Variants in USB1 observed in about 807,000 individuals in gnomAD.
USB1 encodes the protein U6 snRNA biogenesis phosphodiesterase 1.
In USB1, 21 loss-of-function variants were observed where a neutral mutation model predicts 29.9. The observed-to-expected ratio is 0.70, with a 90% CI of 0.50 to 1.01. The LOEUF is 1.01. Ranked by LOEUF, USB1 falls within the 50% of genes least tolerant of loss-of-function variation. The probability of loss-of-function intolerance (pLI) is 0.00; values close to 1 mark genes in which losing one functional copy is unlikely to be tolerated. For missense variants in USB1, 330 were observed against 347.1 expected (o/e 0.95, Z 0.39); for synonymous variants, 143 against 134.9 (o/e 1.06, Z -0.42).
At position 58,002,482 on chromosome 16, in the gene USB1, C is replaced by A. The variant is rs144716560; in HGVS notation, c.102C>A (p.Gly34=). ...TTTTTCTTTTTTTCTTTTGCAGTGG[C>A]CAGAGCCCCCTTCCCAGGCAGAGAT... ...TRPGDGSHRR[G]QSPLPRQRFP... Residue 34 remains glycine (G), a synonymous_variant, in exon 2 of 7, where the codon GGC becomes GGA. Transcript: ENST00000219281. The A allele has an allele frequency of 6.2e-7, 1 of 1,613,912 alleles. No individual in the cohort carries two copies.
intron 4 of USB1, among the ~76,000 whole-genome samples, chr16:58,014,724 A>G (rs1300383200): frequency 6.6e-6 from 1 of 152,192 alleles, no homozygotes; most frequent in Non-Finnish European, 1.5e-5. Flanking sequence ...TCGAGGCTGC[A>G]GTGAGCCAAG....
intron 6 of USB1, among the ~76,000 whole-genome samples, chr16:58,019,560 C>A (rs1963692582): frequency 6.6e-6 from 1 of 152,136 alleles, no homozygotes. Flanking sequence ...TGGAGGAGAA[C>A]CAGCAAGTTA....
At chr16:58,019,331 G>A (rs1204765885) in intron 6 of USB1, among the ~76,000 whole-genome samples, 2 of 150,622 alleles carry the variant, frequency 1.3e-5, no homozygotes, top group African/African-American at 4.9e-5. Flanking sequence ...CTGGGGATTT[G>A]TGTGCACATT....
intron 2 of USB1, among the ~76,000 whole-genome samples, chr16:58,005,859 T>C (rs1963339033): frequency 6.6e-6 from 1 of 152,192 alleles, no homozygotes; most frequent in Non-Finnish European, 1.5e-5. Flanking sequence ...TTCATTTTGC[T>C]GGGGGTGCTA....
chr16:58,014,055 A>G, intron 3 of USB1: 1 of 558,746 alleles, frequency 1.8e-6, no homozygotes, highest in Non-Finnish European at 3.2e-6. Flanking sequence ...TTTTACTAGC[A>G]CCTGGATGAT....
chr16:58,015,084 TAAA>T, intron 4 of USB1: 1 of 8,158 alleles, frequency 1.2e-4, no homozygotes, highest in Non-Finnish European at 3.4e-4. Flanking sequence ...GTCTCAAAAA[TAAA>T]TAAATAAATA....
At chr16:58,012,840 G>A (rs1963529763) in intron 3 of USB1, 6 of 990,996 alleles carry the variant, frequency 6.1e-6, no homozygotes, top group Non-Finnish European at 7.2e-6. Context: ...GGGCTCCCCT[G>A]CATACAGTGG....
At chr16:58,011,478 C>G (rs1200171403) in intron 3 of USB1, 1 of 1,020,824 alleles carries the variant, frequency 9.8e-7, no homozygotes, top group Non-Finnish European at 1.2e-6. Context: ...AGATCAAAAC[C>G]CTGCTCTTTC....
At position 58,012,620 on chromosome 16, in the gene USB1, G is replaced by T. The variant is rs530751846; in HGVS notation, c.450-1653G>T. 38 of 1,357,058 alleles carry T rather than the reference G, an allele frequency of 2.8e-5. No individual in the cohort carries two copies. In the East Asian group the frequency reaches 9.1e-4, roughly 33 times the overall value. 84.1% of individuals were successfully genotyped at this position (1,357,058 alleles called of 1,614,324 possible). On this transcript the variant is annotated intron_variant, in intron 3 of 6. Transcript: ENST00000219281. ...TTCAGCACAAGTCACAGGAATGACT[G>T]CCTGGTCTGACCCGTCTCCTGTGTG...
chr16:58,018,928 C>T, intron 5 of USB1, 44 bp from the exon 6 acceptor site: 1 of 1,602,522 alleles, frequency 6.2e-7, no homozygotes, highest in Non-Finnish European at 8.5e-7. Flanking sequence ...GCAGGGCCTG[C>T]CAAGGCGTCC....
chr16:58,016,920 G>C (rs144337613), intron 4 of USB1: 3,065 of 290,580 alleles, frequency 0.011, 29 homozygotes, highest in Admixed American at 0.019. Context: ...AGATGAGAGA[G>C]CATGCCTGAG....
chr16:58,000,765 G>A (rs1483602055), upstream of USB1, among the ~76,000 whole-genome samples: 5 of 151,808 alleles, frequency 3.3e-5, no homozygotes, highest in Middle Eastern at 3.4e-3. The surrounding 1 kb of genome is among the most constrained non-coding windows in gnomAD (Gnocchi z 4.5). Context: ...AGCGGGCGGC[G>A]CGGAGCGAGG....
chr16:58,017,497 C>A, intron 5 of USB1, 58 bp downstream of exon 5: 2 of 1,520,738 alleles, frequency 1.3e-6, no homozygotes, highest in South Asian at 1.1e-5. Context: ...ATAAAACTGT[C>A]TTTAAAGAAG....
At chr16:58,014,842 C>T (rs1430008365) in intron 4 of USB1, among the ~76,000 whole-genome samples, 1 of 151,962 alleles carries the variant, frequency 6.6e-6, no homozygotes, top group East Asian at 1.9e-4. Flanking sequence ...TTTGAGAGGC[C>T]AAGGTGGGCA....
chr16:58,012,620 G>A, intron 3 of USB1: 2 of 1,357,058 alleles, frequency 1.5e-6, no homozygotes, highest in Non-Finnish European at 1.9e-6. Flanking sequence ...AGGAATGACT[G>A]CCTGGTCTGA....
In USB1 at chr16:58,002,654, T is replaced by C; in HGVS notation, c.265+9T>C. 1 of 1,613,638 alleles carries C rather than the reference T, an allele frequency of 6.2e-7. No individual in the cohort carries two copies. Among genetic ancestry groups the C allele is most frequent in the South Asian group, 1.1e-5 (1 of 91,074 alleles). On this transcript the variant is annotated intron_variant, in intron 2 of 6. Coordinates refer to ENST00000219281, the MANE Select transcript of USB1 (RefSeq NM_024598.4). ...CCACGTCTATGTACCATGTGAGTGA[T>C]GTGTGAAAGGCAAGTTGCCAAGACC... is the stretch of plus-strand genomic sequence containing the variant.
At chr16:58,002,707 G>T in intron 2 of USB1, 62 bp downstream of exon 2, 1 of 1,606,532 alleles carries the variant, frequency 6.2e-7, no homozygotes. Flanking sequence ...CTCATGAAGG[G>T]CAGAATCTGG....
chr16:58,019,765 CAACCA>C (rs1406365950), intron 6 of USB1, among the ~76,000 whole-genome samples: 4 of 152,338 alleles, frequency 2.6e-5, no homozygotes, highest in African/African-American at 4.8e-5. Flanking sequence ...AAACATTTTG[CAACCA>C]AACCAAACGT....
At chr16:58,011,850 A>T in intron 3 of USB1, 3 of 992,436 alleles carry the variant, frequency 3.0e-6, no homozygotes, top group Non-Finnish European at 3.6e-6. Context: ...CACAGTAGAC[A>T]TCAAATAGAT....
Sources: allele counts gnomAD v4.1 joint callset (sites outside exome capture counted in the v4.1 genomes callset), GRCh38; gene constraint gnomAD v4.1.1; non-coding constraint Gnocchi (gnomAD v3.1); transcripts MANE v1.5; gene names NCBI Gene and HGNC (gene_info 2026-07-23, HGNC 2026-07-21).